SYT10: variants seen among roughly 807,000 people sequenced by gnomAD.
SYT10 encodes synaptotagmin-10.
Under a neutral mutation model 51.1 loss-of-function variants are expected in SYT10, and 31 were observed. That is an observed-to-expected ratio of 0.61 (90% CI 0.46 to 0.82). SYT10 has a LOEUF of 0.82. Among genes scored for constraint, SYT10 ranks in the 40% least tolerant of loss-of-function variants. The pLI is 0.00. For missense variants in SYT10, 603 were observed against 634.0 expected (o/e 0.95, Z 0.53); for synonymous variants, 233 against 225.9 (o/e 1.03, Z -0.28).
At chr12:33,420,450 C>T (rs1023654569) in intron 2 of SYT10, among the ~76,000 whole-genome samples, 4 of 151,472 alleles carry the variant, frequency 2.6e-5, no homozygotes, top group African/African-American at 9.7e-5. Flanking sequence ...AATTCAAGAC[C>T]AGCTTAGGCA....
rs1866592530 is a variant in SYT10, at chr12:33,431,016, C to T, written c.152-4521G>A. ...CTGTCCCAGCATAAACAGGCCACGG[C>T]AGATTTATCAACTCTAAGGTGCCTG... On this transcript the variant is annotated intron_variant, in intron 1 of 6. Coordinates refer to ENST00000228567, the MANE Select transcript of SYT10 (RefSeq NM_198992.4). Among the ~76,000 whole-genome samples, 3 of 152,160 alleles carry T rather than the reference C, an allele frequency of 2.0e-5. No homozygotes were observed. The South Asian group carries it at 6.2e-4, about 31-fold the overall frequency.
chr12:33,377,196 T>C (rs1866070493), intron 6 of SYT10, among the ~76,000 whole-genome samples: 1 of 152,156 alleles, frequency 6.6e-6, no homozygotes. Context: ...GTTTTAGCTC[T>C]TTTCTATAAA....
intron 3 of SYT10, among the ~76,000 whole-genome samples, chr12:33,394,793 T>C (rs1866239707): frequency 6.6e-6 from 1 of 152,136 alleles, no homozygotes; most frequent in South Asian, 2.1e-4. Flanking sequence ...CTTTACCTAA[T>C]AGAAATAGTG....
chr12:33,388,563 A>C (rs899476048), intron 3 of SYT10, among the ~76,000 whole-genome samples: 1 of 152,132 alleles, frequency 6.6e-6, no homozygotes. Flanking sequence ...TATTCCATAA[A>C]ATTTATTTTG....
chr12:33,421,514 A>G (rs1304207080), intron 2 of SYT10, among the ~76,000 whole-genome samples: 2 of 152,280 alleles, frequency 1.3e-5, no homozygotes, highest in South Asian at 2.1e-4. Flanking sequence ...TCTAATAGGA[A>G]CACAGTGTTA....
At chr12:33,377,943 C>T (rs1866078428) in intron 6 of SYT10, among the ~76,000 whole-genome samples, 1 of 152,070 alleles carries the variant, frequency 6.6e-6, no homozygotes. Context: ...ACCCGATTTT[C>T]TACATGATAC....
intron 2 of SYT10, among the ~76,000 whole-genome samples, 158 bp downstream of exon 2, chr12:33,425,980 T>C (rs1866547320): frequency 6.6e-6 from 1 of 152,080 alleles, no homozygotes; most frequent in Non-Finnish European, 1.5e-5. Flanking sequence ...TCTCTCTTTA[T>C]TTAATTATCT....
chr12:33,412,832 G>C (rs1235592013), intron 2 of SYT10, among the ~76,000 whole-genome samples: 3 of 152,180 alleles, frequency 2.0e-5, no homozygotes, highest in Non-Finnish European at 2.9e-5. Flanking sequence ...AAGCTGGATG[G>C]AGAAAGATTT....
At chr12:33,377,316 GC>G (rs916707589) in intron 6 of SYT10, among the ~76,000 whole-genome samples, 1 of 151,902 alleles carries the variant, frequency 6.6e-6, no homozygotes, top group African/African-American at 2.4e-5. Context: ...TGGATTACAG[GC>G]GCCCGCCACC....
chr12:33,401,134 A>C (rs1011640703), intron 3 of SYT10, among the ~76,000 whole-genome samples: 2 of 152,214 alleles, frequency 1.3e-5, no homozygotes, highest in African/African-American at 4.8e-5. Flanking sequence ...GCTGCAAATC[A>C]TTCTTTTTCT....
chr12:33,424,119 A>G (rs1392656049), intron 2 of SYT10: 1 of 370,626 alleles, frequency 2.7e-6, no homozygotes, highest in Non-Finnish European at 5.3e-6. Flanking sequence ...TCAGATATAT[A>G]CAATCTAACT....
intron 2 of SYT10, among the ~76,000 whole-genome samples, chr12:33,423,185 C>T (rs1468168793): frequency 6.6e-6 from 1 of 152,006 alleles, no homozygotes; most frequent in Non-Finnish European, 1.5e-5. Context: ...TATTTAAATA[C>T]AGAGACAAGT....
At chr12:33,417,286 T>C (rs1187266063) in intron 2 of SYT10, among the ~76,000 whole-genome samples, 2 of 152,064 alleles carry the variant, frequency 1.3e-5, no homozygotes, top group East Asian at 1.9e-4. Context: ...AATGAGTTAA[T>C]AGATTTGTGG....
intron 1 of SYT10, among the ~76,000 whole-genome samples, chr12:33,428,331 C>G (rs1257637940): frequency 6.6e-6 from 1 of 152,162 alleles, no homozygotes; most frequent in Non-Finnish European, 1.5e-5. Flanking sequence ...TGTTCCTCAA[C>G]AGAATCCTGA....
At chr12:33,411,280 A>G (rs1866402419) in intron 2 of SYT10, among the ~76,000 whole-genome samples, 1 of 151,470 alleles carries the variant, frequency 6.6e-6, no homozygotes, top group Admixed American at 6.6e-5. Flanking sequence ...CTTAAATATT[A>G]TATATAACAT....
chr12:33,385,245 GGTAGGTAA>G lies in SYT10; in HGVS notation c.1116_1123del (p.Tyr373AspfsTer11). 1 of 1,613,566 alleles carries G rather than the reference GGTAGGTAA, an allele frequency of 6.2e-7. No individual in the cohort carries two copies. The stretch of plus-strand genomic sequence containing the variant: ...TGTCAATGTCATACGCCCAGCCGTC[GGTAGGTAA>G]CAAAGGGAAAACATGATTTCACCCA... On this transcript the variant is annotated frameshift_variant, in exon 4 of 7. Transcript: ENST00000228567. LOFTEE classifies it high-confidence loss of function.
chr12:33,421,471 A>G (rs1283285355), intron 2 of SYT10, among the ~76,000 whole-genome samples: 1 of 152,108 alleles, frequency 6.6e-6, no homozygotes, highest in Non-Finnish European at 1.5e-5. Flanking sequence ...TGGTTCTCAT[A>G]CTCATCTGTG....
chr12:33,382,575 T>G (rs74075211), intron 4 of SYT10, 55 bp from the exon 5 acceptor site: 424,176 of 1,480,098 alleles, frequency 0.29, 61,916 homozygotes, highest in East Asian at 0.38. Flanking sequence ...AAAGCATAAA[T>G]AAAACTGCAG....
At chr12:33,436,401 C>T (rs1378678054) in intron 1 of SYT10, among the ~76,000 whole-genome samples, 6 of 152,060 alleles carry the variant, frequency 3.9e-5, no homozygotes, top group South Asian at 2.1e-4. Context: ...AAAAAGTGCA[C>T]GTGGTGAACT....
Sources: allele counts gnomAD v4.1 joint callset (sites outside exome capture counted in the v4.1 genomes callset), GRCh38; gene constraint gnomAD v4.1.1; transcripts MANE v1.5; gene names NCBI Gene and HGNC (gene_info 2026-07-23, HGNC 2026-07-21).